The following IL1RAPL1 variants were observed in gnomAD, a reference collection of about 807,000 sequenced individuals.
The protein encoded by IL1RAPL1 is interleukin-1 receptor accessory protein-like 1.
A neutral mutation model predicts 48.4 loss-of-function variants in IL1RAPL1; 3 were observed. The observed-to-expected ratio is 0.06, with a 90% CI of 0.03 to 0.16. The LOEUF (loss-of-function observed/expected upper bound fraction) is 0.16, where lower values mean the gene tolerates loss of function less well. Among genes scored for constraint, IL1RAPL1 ranks in the 10% least tolerant of loss-of-function variants. The pLI is 1.00. For synonymous variants in IL1RAPL1, 185 were observed against 187.7 expected, an observed-to-expected ratio of 0.99 and a Z score of 0.12; for missense variants, 349 against 530.6, an observed-to-expected ratio of 0.66 and a Z score of 3.36.
chrX:29,027,342 G>GT (rs1282064889), intron 2 of IL1RAPL1, among the ~76,000 whole-genome samples: 5 of 111,941 alleles, frequency 4.5e-5, no homozygotes, highest in South Asian at 3.7e-4. Flanking sequence ...ATACATTTAT[G>GT]TTTTTTCCAC....
intron 1 of IL1RAPL1, among the ~76,000 whole-genome samples, chrX:28,704,193 A>G (rs931158934): frequency 9.0e-6 from 1 of 111,565 alleles, no homozygotes; most frequent in African/African-American, 3.3e-5. Context: ...TCTCCAGTCT[A>G]TTAAACTATG....
At chrX:28,781,915 T>C (rs1936427758) in intron 1 of IL1RAPL1, among the ~76,000 whole-genome samples, 1 of 112,211 alleles carries the variant, frequency 8.9e-6, no homozygotes, top group Non-Finnish European at 1.9e-5. Flanking sequence ...TTAAATAACT[T>C]TGATTACTAT....
intron 6 of IL1RAPL1, among the ~76,000 whole-genome samples, chrX:29,879,877 C>T (rs904850334): frequency 2.7e-5 from 3 of 110,419 alleles, no homozygotes; most frequent in South Asian, 3.8e-4. Flanking sequence ...TGACAAGTTC[C>T]GTAAGTGTAA....
At chrX:29,079,739 A>G (rs1355980946) in intron 2 of IL1RAPL1, among the ~76,000 whole-genome samples, 1 of 110,354 alleles carries the variant, frequency 9.1e-6, no homozygotes, top group African/African-American at 3.3e-5. Context: ...TGAAAAGTAC[A>G]TTTTTTTCTG....
chrX:29,175,713 GCAC>G (rs1930000923), intron 2 of IL1RAPL1, among the ~76,000 whole-genome samples: 1 of 107,342 alleles, frequency 9.3e-6, no homozygotes, highest in Non-Finnish European at 1.9e-5. Flanking sequence ...GAGTGTGGTG[GCAC>G]TCACCTGTAA....
rs767797379 is a variant in IL1RAPL1, at chrX:29,479,999, C to T, written c.703+80691C>T. On this transcript the variant is annotated intron_variant, in intron 5 of 10. Coordinates refer to ENST00000378993, the MANE Select transcript of IL1RAPL1 (RefSeq NM_014271.4). ...AACATGCACATGCATGTGTCTTTTT[C>T]ATATAATGACTTTTTTTTTTCCTTT... Among the ~76,000 whole-genome samples, 162 of 110,122 alleles carry T rather than the reference C, an allele frequency of 1.5e-3. 1 individual carries two copies. Among genetic ancestry groups the T allele is most frequent in the African/African-American group, 4.8e-3 (145 of 30,326 alleles).
Position 29,391,686 on chromosome X carries a change from C to G in IL1RAPL1, c.363-4572C>G, listed in dbSNP as rs964681249. On this transcript the variant is annotated intron_variant, in intron 3 of 10. Transcript: ENST00000378993. ...TTTAGACTGTAAAGTAAAGTAAAAC[C>G]AAGGGTTAAGGGTAGGTAACTTTCT... 3.6e-5 allele frequency among the ~76,000 whole-genome samples: 4 copies of G among 111,258 alleles called. No homozygotes were observed. In the Admixed American group the frequency reaches 3.8e-4, roughly 11 times the overall value.
chrX:29,162,483 A>G (rs923392323), intron 2 of IL1RAPL1, among the ~76,000 whole-genome samples: 2 of 110,893 alleles, frequency 1.8e-5, no homozygotes, highest in Non-Finnish European at 3.8e-5. Flanking sequence ...CAATCACACC[A>G]ATCAAAATTT....
rs199644931 is a variant in IL1RAPL1 at position 29,043,536 on chromosome X, A to G, written c.83-239402A>G. 6.3e-5 allele frequency among the ~76,000 whole-genome samples: 7 copies of G among 111,237 alleles called. No individual in the cohort carries two copies. The East Asian group carries it at 1.7e-3, about 27-fold the overall frequency. ...CTAAAGCCCTGACTGGAATCCATGCATGGAGGTGTCAAAGCTTACCACTGT... is the reference window on the plus strand; with the variant it reads ...CTAAAGCCCTGACTGGAATCCATGCGTGGAGGTGTCAAAGCTTACCACTGT... On this transcript the variant is annotated intron_variant, in intron 2 of 10. Transcript: ENST00000378993.
chrX:29,542,334 G>A (rs1240341864), intron 5 of IL1RAPL1, among the ~76,000 whole-genome samples: 4 of 111,599 alleles, frequency 3.6e-5, no homozygotes, highest in Admixed American at 1.9e-4. Flanking sequence ...TTTCCAGTCA[G>A]GTCTCTGGTT....
At chrX:28,951,751 A>G (rs1924472555) in intron 2 of IL1RAPL1, among the ~76,000 whole-genome samples, 1 of 111,908 alleles carries the variant, frequency 8.9e-6, no homozygotes, top group African/African-American at 3.2e-5. Flanking sequence ...GCGATTGACA[A>G]AGACAATGTA....
chrX:29,955,108 T>C lies in IL1RAPL1; in HGVS notation c.1379T>C (p.Ile460Thr), dbSNP rs1933394336. 2 of 1,205,634 alleles carry C rather than the reference T, an allele frequency of 1.7e-6. No individual in the cohort carries two copies. Among genetic ancestry groups the C allele is most frequent in the Admixed American group, 2.2e-5 (1 of 45,790 alleles). The change falls in exon 11 of 11, where the codon ATT becomes ACT. Residue 460 changes from isoleucine to threonine, a missense_variant. Physicochemically the swap from Ile to Thr is moderately conservative, Grantham distance 89 (BLOSUM62 -1). This residue lies in a region of IL1RAPL1 where 238 missense variants were observed against 337.8 expected (regional missense o/e 0.70). Transcript: ENST00000378993. ...DRDLIPTGTY[I>T]EDVARCVDQS... ...ACTCTTTTATCTTTTGTAGCATACATTGAAGATGTGGCAAGATGTGTAGAT... is the reference window on the plus strand; with the variant it reads ...ACTCTTTTATCTTTTGTAGCATACACTGAAGATGTGGCAAGATGTGTAGAT...
intron 6 of IL1RAPL1, among the ~76,000 whole-genome samples, chrX:29,739,289 T>A (rs1213444447): frequency 8.9e-6 from 1 of 112,841 alleles, no homozygotes; most frequent in Non-Finnish European, 1.9e-5. Flanking sequence ...GATTATACAT[T>A]TAAGATGTTA....
intron 5 of IL1RAPL1, among the ~76,000 whole-genome samples, chrX:29,420,425 C>T (rs1934277255): frequency 8.9e-6 from 1 of 112,619 alleles, no homozygotes; most frequent in African/African-American, 3.2e-5. Context: ...CTTACCAGAT[C>T]TCTGAATGTT....
intron 2 of IL1RAPL1, among the ~76,000 whole-genome samples, chrX:29,162,125 C>T (rs937914965): frequency 9.0e-6 from 1 of 111,326 alleles, no homozygotes; most frequent in African/African-American, 3.3e-5. Context: ...CCAAACACCA[C>T]ATGTTCTCAC....
At chrX:29,010,812 A>C (rs2147394938) in intron 2 of IL1RAPL1, among the ~76,000 whole-genome samples, 1 of 111,418 alleles carries the variant, frequency 9.0e-6, no homozygotes, top group Admixed American at 9.6e-5. Context: ...TGACTATGGG[A>C]AACTTACTTG....
intron 1 of IL1RAPL1, among the ~76,000 whole-genome samples, chrX:28,683,551 C>G (rs1935083180): frequency 9.0e-6 from 1 of 111,559 alleles, no homozygotes; most frequent in Admixed American, 9.5e-5. Context: ...GGGCTAGAAG[C>G]CAACTGTGCA....
intron 1 of IL1RAPL1, among the ~76,000 whole-genome samples, chrX:28,778,655 A>G (rs1936385446): frequency 8.9e-6 from 1 of 111,959 alleles, no homozygotes; most frequent in South Asian, 3.7e-4. Context: ...CATTTTAGCT[A>G]GTCAGGTTCA....
chrX:29,145,102 G>A (rs1201488261), intron 2 of IL1RAPL1, among the ~76,000 whole-genome samples: 2 of 110,731 alleles, frequency 1.8e-5, no homozygotes, highest in East Asian at 5.6e-4. Context: ...TGAGAGATAC[G>A]GACATAATAA....
Sources: gnomAD v4.1 joint callset for allele counts (sites outside exome capture counted in the v4.1 genomes callset) on GRCh38, gnomAD v4.1.1 for gene constraint, gnomAD v4.1.1 regional missense constraint, MANE v1.5 for transcripts, NCBI Gene and HGNC (gene_info 2026-07-23, HGNC 2026-07-21) for gene names.